Variants in MAST4 observed in about 807,000 individuals in gnomAD.
The protein encoded by MAST4 is microtubule associated serine/threonine kinase family member 4.
Under a neutral mutation model 162.7 loss-of-function variants are expected in MAST4, and 89 were observed. That is an observed-to-expected ratio of 0.55 (90% CI 0.46 to 0.65). MAST4 has a LOEUF of 0.65. Ranked by LOEUF, MAST4 falls within the 30% of genes least tolerant of loss-of-function variation. The pLI is 0.00. For synonymous variants in MAST4, 1,479 were observed against 1,361.1 expected, an observed-to-expected ratio of 1.09 and a Z score of -1.91; for missense variants, 3,153 against 3,374.0, an observed-to-expected ratio of 0.93 and a Z score of 1.62.
At chr5:66,776,191 C>CT (rs1240148358) in intron 2 of MAST4, among the ~76,000 whole-genome samples, 7 of 152,094 alleles carry the variant, frequency 4.6e-5, no homozygotes, top group Admixed American at 4.6e-4. Context: ...AGCTTTTGTT[C>CT]TTTTTGTTTC....
intron 3 of MAST4, among the ~76,000 whole-genome samples, chr5:66,813,998 G>C (rs955465886): frequency 3.3e-5 from 5 of 152,210 alleles, no homozygotes; most frequent in Non-Finnish European, 7.3e-5. Flanking sequence ...AGTCAGGAGA[G>C]AGGAGTTGAA....
chr5:67,092,065 G>T (rs1213683513), intron 6 of MAST4, among the ~76,000 whole-genome samples: 3 of 152,154 alleles, frequency 2.0e-5, no homozygotes, highest in Non-Finnish European at 4.4e-5. Context: ...TTTTAGAGTT[G>T]ATTTTTCCTC....
chr5:66,877,204 T>C (rs1039234300), intron 3 of MAST4, among the ~76,000 whole-genome samples: 2 of 152,118 alleles, frequency 1.3e-5, no homozygotes, highest in Admixed American at 6.5e-5. Flanking sequence ...CAAAGAAATA[T>C]GATATAAGGG....
chr5:66,984,306 G>C (rs1024598286), intron 4 of MAST4, among the ~76,000 whole-genome samples: 2 of 152,152 alleles, frequency 1.3e-5, no homozygotes, highest in South Asian at 4.1e-4. Context: ...GCCACCCAGG[G>C]CAGAAGCAAG....
intron 24 of MAST4, among the ~76,000 whole-genome samples, chr5:67,151,746 TTTTTTTTTTCTTCTTTTTTTC>T (rs1771838337): frequency 1.4e-5 from 2 of 138,286 alleles, no homozygotes; most frequent in Non-Finnish European, 3.0e-5. Context: ...ATTCTTTCCT[TTTTTTTTTTCTTCTTTTTTTC>T]TTTTTTTTTT....
chr5:67,051,493 G>C (rs2150545524), intron 4 of MAST4, among the ~76,000 whole-genome samples: 1 of 152,222 alleles, frequency 6.6e-6, no homozygotes, highest in East Asian at 1.9e-4. Flanking sequence ...TAACCCACTT[G>C]AAGTTTTCTT....
chr5:67,067,076 C>A (rs562317388), intron 5 of MAST4, among the ~76,000 whole-genome samples: 7 of 152,310 alleles, frequency 4.6e-5, no homozygotes, highest in Non-Finnish European at 1.0e-4. Flanking sequence ...TTGCAGGAGG[C>A]TACAGAGCCT....
At chr5:67,136,183 T>C (rs1424064182) in intron 18 of MAST4, among the ~76,000 whole-genome samples, 1 of 152,238 alleles carries the variant, frequency 6.6e-6, no homozygotes, top group Non-Finnish European at 1.5e-5. Flanking sequence ...TGGATGGATA[T>C]ATTAGCCACC....
chr5:66,803,944 T>A (rs1756049104), intron 3 of MAST4, among the ~76,000 whole-genome samples: 1 of 152,106 alleles, frequency 6.6e-6, no homozygotes, highest in Non-Finnish European at 1.5e-5. Context: ...ATGGGCTTTT[T>A]TTTTTTAAAA....
intron 1 of MAST4, among the ~76,000 whole-genome samples, chr5:66,753,009 G>A (rs1225568962): frequency 1.3e-4 from 20 of 151,036 alleles, no homozygotes; most frequent in Middle Eastern, 3.2e-3. Context: ...ACTCAAAACT[G>A]CTCAACTACA....
At chr5:67,134,492 C>T (rs201444947) in intron 17 of MAST4, 31 bp from the exon 18 acceptor site, 36 of 1,590,466 alleles carry the variant, frequency 2.3e-5, no homozygotes, top group Non-Finnish European at 3.1e-5. Flanking sequence ...TCTAATATTC[C>T]AATTATTCTA....
At chr5:66,608,756 G>A (rs969966812) in intron 1 of MAST4, among the ~76,000 whole-genome samples, 5 of 123,826 alleles carry the variant, frequency 4.0e-5, no homozygotes, top group Admixed American at 2.2e-4. Flanking sequence ...TGGCACGTCA[G>A]TTTTAGAATA....
chr5:66,909,893 A>G (rs1438407471), intron 4 of MAST4, among the ~76,000 whole-genome samples: 5 of 152,192 alleles, frequency 3.3e-5, no homozygotes, highest in African/African-American at 1.2e-4. Context: ...TCTTCTGCAC[A>G]AGCTCTCTTG....
At chr5:67,088,662 G>A (rs190624938) in intron 5 of MAST4, among the ~76,000 whole-genome samples, 1 of 152,216 alleles carries the variant, frequency 6.6e-6, no homozygotes, top group Non-Finnish European at 1.5e-5. Flanking sequence ...ATTACTGGAT[G>A]GCAAAAGCAG....
intron 1 of MAST4, among the ~76,000 whole-genome samples, chr5:66,650,613 A>G (rs1416609008): frequency 6.6e-6 from 1 of 152,192 alleles, no homozygotes; most frequent in African/African-American, 2.4e-5. Flanking sequence ...TTTTATTAGT[A>G]TGTTTAGCCA....
chr5:67,006,169 G>A (rs1282251407), intron 4 of MAST4, among the ~76,000 whole-genome samples: 1 of 152,084 alleles, frequency 6.6e-6, no homozygotes, highest in East Asian at 1.9e-4. Flanking sequence ...TATATACATG[G>A]GTGCACACAC....
Position 66,893,016 on chromosome 5 carries a change from A to G in MAST4, c.643-6935A>G, listed in dbSNP as rs1375204796. On this transcript the variant is annotated intron_variant, in intron 3 of 28. Coordinates refer to ENST00000403625, the MANE Select transcript of MAST4 (RefSeq NM_001164664.2). ...AAGGGCTTATGAGAACTGATACCACAGTCTTGTTCATTTAGCTTTATGGCA... is the reference window on the plus strand; with the variant it reads ...AAGGGCTTATGAGAACTGATACCACGGTCTTGTTCATTTAGCTTTATGGCA... Among the ~76,000 whole-genome samples, 4 of 152,226 alleles carry G rather than the reference A, an allele frequency of 2.6e-5. No homozygotes were observed. The South Asian group carries it at 6.2e-4, about 24-fold the overall frequency.
At chr5:67,069,447 T>C (rs2150651892) in intron 5 of MAST4, among the ~76,000 whole-genome samples, 1 of 152,074 alleles carries the variant, frequency 6.6e-6, no homozygotes, top group East Asian at 1.9e-4. Context: ...GGCATGCTTT[T>C]AGTATTCCAG....
At chr5:66,658,144 G>A (rs75307375) in intron 1 of MAST4, among the ~76,000 whole-genome samples, 2 of 152,298 alleles carry the variant, frequency 1.3e-5, no homozygotes, top group Admixed American at 6.5e-5. Context: ...TATATCCAGC[G>A]TATAAAGAGA....
Sources: allele counts gnomAD v4.1 joint callset (sites outside exome capture counted in the v4.1 genomes callset), GRCh38; gene constraint gnomAD v4.1.1; transcripts MANE v1.5; gene names NCBI Gene and HGNC (gene_info 2026-07-23, HGNC 2026-07-21).